The following PARP8 variants were observed in gnomAD, a reference collection of about 807,000 sequenced individuals.
PARP8 encodes the protein poly(ADP-ribose) polymerase family member 8.
A neutral mutation model predicts 124.1 loss-of-function variants in PARP8; 51 were observed. The observed-to-expected ratio is 0.41, with a 90% confidence interval of 0.33 to 0.52. The LOEUF (loss-of-function observed/expected upper bound fraction) is 0.52. Ranked by LOEUF, PARP8 falls within the 20% of genes least tolerant of loss-of-function variation. PARP8 has a pLI of 0.21. For synonymous variants in PARP8, 391 were observed against 361.5 expected, an observed-to-expected ratio of 1.08 and a Z score of -0.93; for missense variants, 860 against 1,018.9, an observed-to-expected ratio of 0.84 and a Z score of 2.12.
At chr5:50,766,283 A>C (rs1401731942) in intron 7 of PARP8, among the ~76,000 whole-genome samples, 4 of 152,230 alleles carry the variant, frequency 2.6e-5, no homozygotes, top group African/African-American at 9.6e-5. Context: ...GAAGTGAGTT[A>C]GGTCTTGGGG....
At position 50,842,022 on chromosome 5, in the gene PARP8, A is replaced by G; in HGVS notation, c.2519A>G (p.His840Arg). 1 of 1,606,440 alleles carries G rather than the reference A, an allele frequency of 6.2e-7. No individual in the cohort carries two copies. The highest frequency in any genetic ancestry group is 8.5e-7 in the Non-Finnish European group (1 of 1,175,798). The change falls in exon 26 of 26, where the codon CAC (histidine) becomes CGC (arginine). Residue 840 changes from histidine (H) to arginine (R), a missense_variant. Physicochemically the swap from His to Arg is conservative, Grantham distance 29. Coordinates refer to ENST00000281631, the MANE Select transcript of PARP8 (RefSeq NM_024615.4). ...ATTAATACACAAGAAGGAGGCATTC[A>G]CAAAGAGATCCTCCGAGTAATTGGT... ...ANINTQEGGI[H>R]KEILRVIGNQ... is the part of the protein sequence containing the mutation.
In PARP8 at chr5:50,667,847, C is replaced by G. The variant is rs1579876060; in HGVS notation, c.92-224C>G. ...CCTATCGGGAAATTCCCGCTGTTGCCATGGCACCCGGCACTTGTTGCGGGG... is the reference window on the plus strand; with the variant it reads ...CCTATCGGGAAATTCCCGCTGTTGCGATGGCACCCGGCACTTGTTGCGGGG... On this transcript the variant is annotated intron_variant, in intron 1 of 25. Transcript: ENST00000281631. 6 of 1,327,750 alleles carry G rather than the reference C, an allele frequency of 4.5e-6. No individual in the cohort carries two copies. In the East Asian group the frequency reaches 1.5e-4, roughly 33 times the overall value. The allele number at this position is 1,327,750 out of a possible 1,614,324, so 82.2% of individuals were successfully genotyped here.
At chr5:50,817,236 A>T (rs73102885) in intron 15 of PARP8, among the ~76,000 whole-genome samples, 1 of 152,376 alleles carries the variant, frequency 6.6e-6, no homozygotes, top group South Asian at 2.1e-4. Context: ...AATGAAATTC[A>T]AATTATATAA....
In PARP8 at chr5:50,667,120, C is replaced by G. The variant is rs779302643; in HGVS notation, c.25C>G (p.Arg9Gly). ...AATGGGGATGTGTTCAAGGCAAGAG[C>G]GAATTCAGAAGGATATCGACGTCGT... The part of the protein sequence containing the change: MGMCSRQE[R>G]IQKDIDVVIQ... The change falls in exon 1 of 26, where the codon CGA becomes GGA. Residue 9 changes from arginine to glycine, a missense_variant. Around this residue, in one of 2 missense-constraint regions of PARP8, gnomAD observed 517 missense variants for 544.2 expected, o/e 0.95. Coordinates refer to ENST00000281631, the MANE Select transcript of PARP8 (RefSeq NM_024615.4). 6.3e-7 allele frequency: 1 copy of G among 1,596,200 alleles called. No individual in the cohort carries two copies. Among genetic ancestry groups the G allele is most frequent in the Non-Finnish European group, 8.5e-7 (1 of 1,179,706 alleles).
At chr5:50,715,900 T>G (rs1269809380) in intron 2 of PARP8, among the ~76,000 whole-genome samples, 2 of 152,116 alleles carry the variant, frequency 1.3e-5, no homozygotes, top group Non-Finnish European at 2.9e-5. Flanking sequence ...TGGGTAAAGA[T>G]AAGCACTATA....
intron 2 of PARP8, among the ~76,000 whole-genome samples, chr5:50,686,981 G>A (rs1484359648): frequency 6.6e-6 from 1 of 152,306 alleles, no homozygotes; most frequent in South Asian, 2.1e-4. Context: ...TTTCCCCATT[G>A]TCTTGGGGAT....
At chr5:50,813,597 C>T (rs909133974) in intron 14 of PARP8, among the ~76,000 whole-genome samples, 3 of 152,124 alleles carry the variant, frequency 2.0e-5, no homozygotes, top group African/African-American at 7.2e-5. Flanking sequence ...TTTCTCCTGC[C>T]TGATTGCCCT....
Position 50,832,952 on chromosome 5 carries a change from A to T in PARP8, c.2307+98A>T, listed in dbSNP as rs568611511. 1.0e-3 allele frequency: 1,080 copies of T among 1,045,042 alleles called. 16 individuals are homozygous for T. The South Asian group carries it at 0.011, about 10-fold the overall frequency. The allele number at this position is 1,045,042 out of a possible 1,614,324, so 64.7% of individuals were successfully genotyped here. A position where few individuals can be genotyped will look rare whatever the true frequency, so the allele number is the denominator to read the frequency against. On this transcript the variant is annotated intron_variant, in intron 23 of 25. Coordinates refer to ENST00000281631, the MANE Select transcript of PARP8 (RefSeq NM_024615.4). ...ATAGGCTTTTTAAGTCTGAAAAATT[A>T]TTTAATGTGGTCATTACTTATAAAG...
chr5:50,815,397 A>G, intron 14 of PARP8, 35 bp from the exon 15 acceptor site: 1 of 1,488,618 alleles, frequency 6.7e-7, no homozygotes, highest in Middle Eastern at 1.8e-4. Flanking sequence ...AGAGTTGGAA[A>G]AAAGTTTTGT....
At chr5:50,811,761 C>A (rs1375186338) in intron 14 of PARP8, among the ~76,000 whole-genome samples, 1 of 152,108 alleles carries the variant, frequency 6.6e-6, no homozygotes, top group Admixed American at 6.6e-5. Context: ...GCAACAAGCC[C>A]TGGTGTGTGA....
chr5:50,763,295 A>C, intron 7 of PARP8, 53 bp downstream of exon 7: 1 of 1,408,742 alleles, frequency 7.1e-7, no homozygotes, highest in Non-Finnish European at 1.0e-6. Context: ...AAGTCATTGA[A>C]ATTTACTTTT....
At position 50,845,336 on chromosome 5, in the gene PARP8, T is replaced by C. The variant is rs1748534694; in HGVS notation, c.*3268T>C. The C allele has an allele frequency of 6.6e-6, 1 of 151,724 alleles. No homozygotes were observed. Among genetic ancestry groups the C allele is most frequent in the African/African-American group, 2.4e-5 (1 of 41,374 alleles). 9.4% of individuals were successfully genotyped at this position (151,724 alleles called of 1,614,324 possible). ...AAAGAGTCTGGATAACTTCATCAGA[T>C]GGTAATTTAATATGTCATGAAGGGG... is the stretch of plus-strand genomic sequence containing the variant. On this transcript the variant is annotated 3_prime_UTR_variant, in exon 26 of 26. Coordinates refer to ENST00000281631, the MANE Select transcript of PARP8 (RefSeq NM_024615.4).
Position 50,797,048 on chromosome 5 carries a change from C to CT in PARP8, c.1479+17dup. 1 of 1,612,682 alleles carries CT rather than the reference C, an allele frequency of 6.2e-7. No homozygotes were observed. ...CCTGGTGCAGGTATGAGCCAAAACT[C>CT]TATCCATTGTACAAATATTTTAGTT... On this transcript the variant is annotated intron_variant, in intron 13 of 25. Coordinates refer to ENST00000281631, the MANE Select transcript of PARP8 (RefSeq NM_024615.4).
intron 2 of PARP8, chr5:50,669,025 CT>C (rs1395591695): frequency 6.6e-6 from 1 of 152,186 alleles, no homozygotes; most frequent in Non-Finnish European, 1.5e-5. Context: ...GCAAAAGAAG[CT>C]TTCTTGTGTA....
chr5:50,811,271 A>G (rs991833913), intron 14 of PARP8, among the ~76,000 whole-genome samples: 30 of 152,146 alleles, frequency 2.0e-4, no homozygotes, highest in African/African-American at 7.2e-4. Flanking sequence ...AACTTTCAAG[A>G]TTGGAATATA....
At position 50,777,927 on chromosome 5, in the gene PARP8, C is replaced by T. The variant is rs1740219494; in HGVS notation, c.519-142C>T. On this transcript the variant is annotated intron_variant, in intron 7 of 25. Coordinates refer to ENST00000281631, the MANE Select transcript of PARP8 (RefSeq NM_024615.4). The stretch of plus-strand genomic sequence containing the variant: ...AGTCCAACTAGATTATTAGTTATTT[C>T]ATATCCACAGTTAGATGTGAGCTAT... 6.1e-6 allele frequency: 4 copies of T among 656,468 alleles called. No homozygotes were observed. The South Asian group carries it at 7.8e-5, about 13-fold the overall frequency. The allele number at this position is 656,468 out of a possible 1,614,324, so 40.7% of individuals were successfully genotyped here. A position where few individuals can be genotyped will look rare whatever the true frequency, so the allele number is the denominator to read the frequency against.
At position 50,821,385 on chromosome 5, in the gene PARP8, T is replaced by A. The variant is rs1561431108; in HGVS notation, c.1794+47T>A. The A allele has an allele frequency of 1.9e-6, 3 of 1,600,778 alleles. No individual in the cohort carries two copies. In the Admixed American group the frequency reaches 5.0e-5, roughly 27 times the overall value. Reference sequence around the variant, plus strand: ...CCAATCACAAAGTTTTCTTTAACAATAACAACAATATTGAGATTGTAGTCT... The same window carrying A: ...CCAATCACAAAGTTTTCTTTAACAAAAACAACAATATTGAGATTGTAGTCT... On this transcript the variant is annotated intron_variant, in intron 16 of 25. Transcript: ENST00000281631.
chr5:50,742,422 A>C (rs1479339189), intron 2 of PARP8, among the ~76,000 whole-genome samples: 1 of 152,200 alleles, frequency 6.6e-6, no homozygotes, highest in Non-Finnish European at 1.5e-5. Flanking sequence ...TAGATGGATT[A>C]ATCTTAGATT....
chr5:50,759,838 G>A, intron 4 of PARP8, 106 bp downstream of exon 4: 2 of 1,261,168 alleles, frequency 1.6e-6, no homozygotes, highest in Non-Finnish European at 2.1e-6. Flanking sequence ...TTTATCTTCT[G>A]TGTCTATAAA....
Sources: gnomAD v4.1 joint callset for allele counts (sites outside exome capture counted in the v4.1 genomes callset) on GRCh38, gnomAD v4.1.1 for gene constraint, gnomAD v4.1.1 regional missense constraint, MANE v1.5 for transcripts, NCBI Gene and HGNC (gene_info 2026-07-23, HGNC 2026-07-21) for gene names.